The following MICALL1 variants were observed in gnomAD, a reference collection of about 807,000 sequenced individuals.
MICALL1 encodes MICAL-like protein 1.
Under a neutral mutation model 83.7 loss-of-function variants are expected in MICALL1, and 61 were observed. The ratio of observed to expected loss-of-function variants is 0.73; its 90% CI spans 0.59 to 0.90. MICALL1 has a LOEUF of 0.90. MICALL1 is among the 40% of genes least tolerant of loss of function. The pLI, the probability that MICALL1 is intolerant of heterozygous loss-of-function variation, is 0.00. For synonymous variants in MICALL1, 481 were observed against 473.6 expected, an observed-to-expected ratio of 1.02 and a Z score of -0.20; for missense variants, 1,066 against 1,152.0, an observed-to-expected ratio of 0.93 and a Z score of 1.08.
In MICALL1 at chr22:37,925,996, A is replaced by C. The variant is rs889862897; in HGVS notation, c.1418A>C (p.Lys473Thr). ...WYGITPTSSP[K>T]TKKRPAPRAP... is the part of the protein sequence containing the mutation. ...GGCATCACCCCTACCAGCAGCCCCA[A>C]GACAAAGAAGCGCCCTGCCCCGCGC... The change falls in exon 8 of 16, where the codon AAG (lysine) becomes ACG (threonine). Residue 473 changes from lysine to threonine, a missense_variant. Coordinates refer to ENST00000215957, the MANE Select transcript of MICALL1 (RefSeq NM_033386.4). 8 of 1,613,262 alleles carry C rather than the reference A, an allele frequency of 5.0e-6. No individual in the cohort carries two copies. Among genetic ancestry groups the C allele is most frequent in the Non-Finnish European group, 6.8e-6 (8 of 1,179,778 alleles).
At position 37,906,617 on chromosome 22, in the gene MICALL1, C is replaced by G. The variant is rs1194865948; in HGVS notation, c.146+49C>G. 1.8e-6 allele frequency: 2 copies of G among 1,141,680 alleles called. No individual in the cohort carries two copies. The highest frequency in any genetic ancestry group is 3.3e-5 in the African/African-American group (2 of 60,942). 70.7% of individuals were successfully genotyped at this position (1,141,680 alleles called of 1,614,324 possible). A position where few individuals can be genotyped will look rare whatever the true frequency, so the allele number is the denominator to read the frequency against. ...CGGGCGGCGCGGGGCGGGCTGGGGC[C>G]GCGACCGCCGCCCCCCCTCAGTAAC... is the stretch of plus-strand genomic sequence containing the variant. On this transcript the variant is annotated intron_variant, in intron 1 of 15. Coordinates refer to ENST00000215957, the MANE Select transcript of MICALL1 (RefSeq NM_033386.4). The surrounding 1 kb of genome is among the most constrained non-coding windows in gnomAD (Gnocchi z 4.4).
chr22:37,917,970 C>T (rs1928782227), intron 4 of MICALL1, among the ~76,000 whole-genome samples, 175 bp downstream of exon 4: 2 of 152,174 alleles, frequency 1.3e-5, no homozygotes, highest in Admixed American at 1.3e-4. Flanking sequence ...CTGACTGGGG[C>T]AGTGAGGCAT....
chr22:37,932,841 C>T lies in MICALL1; in HGVS notation c.2187C>T (p.Ile729=). Residue 729 remains isoleucine, a synonymous_variant, in exon 12 of 16, where the codon ATC becomes ATT. Coordinates refer to ENST00000215957, the MANE Select transcript of MICALL1 (RefSeq NM_033386.4). This position sits in a 1 kb window ranked among gnomAD's most constrained non-coding sequence, Gnocchi z 4.4. ...TGCTGGTGGACTGGTTCAAGCTCAT[C>T]CACGAGAAGCACCTACTGGTGCGGC... The part of the protein sequence containing the change: ...DDMLVDWFKL[I]HEKHLLVRRE... The T allele has an allele frequency of 7.4e-6, 12 of 1,614,118 alleles. No homozygotes were observed. Among genetic ancestry groups the T allele is most frequent in the Non-Finnish European group, 1.0e-5 (12 of 1,180,018 alleles).
chr22:37,926,043 G>A lies in MICALL1; in HGVS notation c.1465G>A (p.Ala489Thr), dbSNP rs1215500514. 7 of 1,587,628 alleles carry A rather than the reference G, an allele frequency of 4.4e-6. No homozygotes were observed. Among genetic ancestry groups the A allele is most frequent in the Non-Finnish European group, 6.0e-6 (7 of 1,164,492 alleles). ...GCGCGCACCCAGCGCGTCCCCACTG[G>A]GTGAGTGCCTTTCCTGGAGCTCTCC... ...APRAPSASPL[A>T]LHASRLSHSE... The change falls in exon 8 of 16, where the codon GCT (alanine) becomes ACT (threonine). Residue 489 changes from alanine (A) to threonine (T), a missense_variant and splice_region_variant. Physicochemically the swap from Ala to Thr is moderately conservative, Grantham distance 58. Transcript: ENST00000215957.
At chr22:37,916,140 C>T (rs2145892686) in intron 3 of MICALL1, among the ~76,000 whole-genome samples, 1 of 152,270 alleles carries the variant, frequency 6.6e-6, no homozygotes, top group South Asian at 2.1e-4. Context: ...CATTCGTTGG[C>T]CCTCTCTGGG....
At chr22:37,909,334 G>A (rs1483768880) in intron 1 of MICALL1, among the ~76,000 whole-genome samples, 14 of 150,932 alleles carry the variant, frequency 9.3e-5, no homozygotes, top group African/African-American at 2.9e-4. Context: ...GATTACAGGC[G>A]TGAGCCACCA....
intron 8 of MICALL1, chr22:37,927,157 C>T (rs963709215): frequency 9.8e-5 from 48 of 491,324 alleles, no homozygotes; most frequent in Non-Finnish European, 1.6e-4. Flanking sequence ...CTCATGGGGG[C>T]TATGGGGAGT....
intron 15 of MICALL1, among the ~76,000 whole-genome samples, chr22:37,939,545 G>T (rs1292869755): frequency 1.3e-5 from 2 of 152,014 alleles, no homozygotes; most frequent in African/African-American, 2.4e-5. Context: ...GGAGGCCGAG[G>T]CCGGCAGATC....
At chr22:37,934,818 G>T (rs1275129418) in intron 13 of MICALL1, among the ~76,000 whole-genome samples, 5 of 150,904 alleles carry the variant, frequency 3.3e-5, no homozygotes, top group African/African-American at 1.2e-4. Context: ...GGATGGTCTC[G>T]ATCTCCTGAC....
Position 37,927,435 on chromosome 22 carries a change from A to G in MICALL1, c.1490A>G (p.His497Arg). 6.3e-7 allele frequency: 1 copy of G among 1,591,774 alleles called. No homozygotes were observed. The highest frequency in any genetic ancestry group is 8.6e-7 in the Non-Finnish European group (1 of 1,167,154). ...PLALHASRLSHSEPPSATPSP... is the reference protein window; with the variant it reads ...PLALHASRLSRSEPPSATPSP... The stretch of plus-strand genomic sequence containing the variant: ...GCTCTCCACGCCTCCCGCCTCTCGC[A>G]CTCGGAGCCGCCCTCGGCCACACCA... The change falls in exon 9 of 16, where the codon CAC becomes CGC. Residue 497 changes from histidine (H) to arginine (R), a missense_variant. His to Arg is a conservative substitution (Grantham distance 29). Transcript: ENST00000215957.
chr22:37,912,513 T>C, intron 3 of MICALL1, 21 bp downstream of exon 3: 1 of 1,576,498 alleles, frequency 6.3e-7, no homozygotes. Flanking sequence ...GACTCAGCGT[T>C]TCACGGAGGC....
intron 5 of MICALL1, 102 bp downstream of exon 5, chr22:37,919,280 A>AGAG: frequency 5.3e-6 from 7 of 1,332,062 alleles, no homozygotes; most frequent in Non-Finnish European, 6.8e-6. Flanking sequence ...CCTTCACACC[A>AGAG]GAGCCCCTGG....
Position 37,931,938 on chromosome 22 carries a change from C to T in MICALL1, c.2016+5C>T. ...TTTCCACTCATCAAACGCAAGGTAC[C>T]AGCTGGGAGCCCCCCGAGACCAGGC... is the stretch of plus-strand genomic sequence containing the variant. On this transcript the variant is annotated splice_donor_5th_base_variant and intron_variant, in intron 10 of 15. Transcript: ENST00000215957. The T allele has an allele frequency of 6.2e-7, 1 of 1,613,516 alleles. No homozygotes were observed. Among genetic ancestry groups the T allele is most frequent in the South Asian group, 1.1e-5 (1 of 91,014 alleles).
At chr22:37,927,344 C>A in intron 8 of MICALL1, 67 bp from the exon 9 acceptor site, 1 of 1,452,486 alleles carries the variant, frequency 6.9e-7, no homozygotes, top group Non-Finnish European at 9.1e-7. Context: ...AGAGTGGAGC[C>A]GGGAGGTGGG....
At chr22:37,939,663 A>G (rs1415604289) in intron 15 of MICALL1, among the ~76,000 whole-genome samples, 6 of 151,006 alleles carry the variant, frequency 4.0e-5, no homozygotes, top group Non-Finnish European at 8.8e-5. Flanking sequence ...AATCCCAGCT[A>G]CTCGGGAGGC....
chr22:37,937,611 A>T, intron 14 of MICALL1, 135 bp from the exon 15 acceptor site: 1 of 787,874 alleles, frequency 1.3e-6, no homozygotes, highest in Non-Finnish European at 2.0e-6. Context: ...TTTAGTAGAG[A>T]TGGGGTTTCA....
In MICALL1 at chr22:37,922,166, G is replaced by A. The variant is rs376568034; in HGVS notation, c.764G>A (p.Gly255Asp). The A allele has an allele frequency of 2.1e-5, 34 of 1,612,922 alleles. No individual in the cohort carries two copies. The highest frequency in any genetic ancestry group is 2.5e-5 in the Non-Finnish European group (29 of 1,179,974). ...LAEDAKDVPGGGPSSSAPAGA... is the reference protein window; with the variant it reads ...LAEDAKDVPGDGPSSSAPAGA... ...GAAGATGCCAAGGATGTTCCAGGAG[G>A]CGGCCCCAGCTCCAGTGCTCCTGCA... is the stretch of plus-strand genomic sequence containing the variant. The change falls in exon 6 of 16, where the codon GGC becomes GAC. Residue 255 changes from glycine to aspartate, a missense_variant. Gly to Asp is a moderately conservative substitution (Grantham distance 94, BLOSUM62 -1). Coordinates refer to ENST00000215957, the MANE Select transcript of MICALL1 (RefSeq NM_033386.4).
At chr22:37,927,206 C>T (rs558609130) in intron 8 of MICALL1, 76 of 559,692 alleles carry the variant, frequency 1.4e-4, no homozygotes, top group African/African-American at 1.2e-3. Flanking sequence ...GCAAGGCGGG[C>T]GGGTTGGACT....
chr22:37,934,253 C>T (rs1929960828), intron 13 of MICALL1, among the ~76,000 whole-genome samples: 2 of 152,196 alleles, frequency 1.3e-5, no homozygotes, highest in South Asian at 2.1e-4. Context: ...GCTCCGAGTA[C>T]AGTACACCAT....
Sources: gnomAD v4.1 joint callset for allele counts (sites outside exome capture counted in the v4.1 genomes callset) on GRCh38, gnomAD v4.1.1 for gene constraint, Gnocchi (gnomAD v3.1) non-coding constraint, MANE v1.5 for transcripts, NCBI Gene and HGNC (gene_info 2026-07-23, HGNC 2026-07-21) for gene names.